The following CSMD1 variants were observed in gnomAD, a reference collection of about 807,000 sequenced individuals.
The protein encoded by CSMD1 is CUB and Sushi multiple domains 1.
CSMD1 carries 213 observed loss-of-function variants against 417.5 expected under a neutral mutation model. That is an observed-to-expected ratio of 0.51 (90% CI 0.46 to 0.57). The LOEUF (loss-of-function observed/expected upper bound fraction) is 0.57. Among genes scored for constraint, CSMD1 ranks in the 20% least tolerant of loss-of-function variants. The probability of loss-of-function intolerance (pLI) is 0.00; values close to 1 mark genes in which losing one functional copy is unlikely to be tolerated. For missense variants in CSMD1, 6,923 were observed against 4,529.7 expected (o/e 1.53, Z -15.17); for synonymous variants, 2,862 against 1,736.8 (o/e 1.65, Z -16.11).
Position 3,151,472 on chromosome 8 carries a change from G to A in CSMD1, c.5956C>T (p.Leu1986=), listed in dbSNP as rs1286375549. The change falls in exon 40 of 70, where the codon CTG becomes TTG. Residue 1986 remains leucine, a synonymous_variant. Transcript: ENST00000635120. Reference sequence around the variant, plus strand: ...TAAGAACCTGGGAAGCCGGGGCTCAGGATCACACCACCCAAGGTGCTCAGC... The same window carrying A: ...TAAGAACCTGGGAAGCCGGGGCTCAAGATCACACCACCCAAGGTGCTCAGC... ...GTLSTLGGVI[L]SPGFPGSYPN... 7 of 1,613,718 alleles carry A rather than the reference G, an allele frequency of 4.3e-6. No individual in the cohort carries two copies. Among genetic ancestry groups the A allele is most frequent in the Non-Finnish European group, 5.9e-6 (7 of 1,179,850 alleles).
chr8:3,907,171 CA>C lies in CSMD1; in HGVS notation c.818+90731del, dbSNP rs1171174837. Among the ~76,000 whole-genome samples the C allele has an allele frequency of 7.9e-5, 12 of 152,172 alleles. 1 individual carries two copies. Among genetic ancestry groups the C allele is most frequent in the Admixed American group, 7.8e-4 (12 of 15,290 alleles). On this transcript the variant is annotated intron_variant, in intron 5 of 69. Transcript: ENST00000635120. The stretch of plus-strand genomic sequence containing the variant: ...ACGTTGTGTATTACTTTAAACGGCA[CA>C]CACGCATGTTACCTGAATCAGCGAT...
intron 2 of CSMD1, among the ~76,000 whole-genome samples, chr8:4,496,867 A>G (rs1404359462): frequency 6.6e-6 from 1 of 152,204 alleles, no homozygotes; most frequent in African/African-American, 2.4e-5. Flanking sequence ...CAATATCAGG[A>G]CAGATCTTTC....
intron 15 of CSMD1, among the ~76,000 whole-genome samples, 172 bp downstream of exon 15, chr8:3,405,855 A>T (rs1431736807): frequency 1.3e-5 from 2 of 152,160 alleles, no homozygotes; most frequent in Admixed American, 6.5e-5. Flanking sequence ...TGGATCTCAG[A>T]CTTCCAGCCT....
chr8:4,875,137 A>G (rs1387435225), intron 1 of CSMD1, among the ~76,000 whole-genome samples: 1 of 151,714 alleles, frequency 6.6e-6, no homozygotes, highest in Admixed American at 6.6e-5. Flanking sequence ...CCCTCATGGT[A>G]AGGTAGTATG....
chr8:4,408,614 ATGGAAAATG>A, intron 3 of CSMD1, among the ~76,000 whole-genome samples: 1 of 152,334 alleles, frequency 6.6e-6, no homozygotes, highest in South Asian at 2.1e-4. Flanking sequence ...ATGTCTGATA[ATGGAAAATG>A]TACTCTATAT....
At chr8:3,439,450 G>C (rs1484021955) in intron 12 of CSMD1, among the ~76,000 whole-genome samples, 3 of 150,074 alleles carry the variant, frequency 2.0e-5, no homozygotes, top group African/African-American at 7.4e-5. Context: ...TTTGGTGAAA[G>C]GTCTTCTGAA....
At chr8:3,572,363 CA>C (rs1799981686) in intron 10 of CSMD1, among the ~76,000 whole-genome samples, 1 of 152,124 alleles carries the variant, frequency 6.6e-6, no homozygotes, top group African/African-American at 2.4e-5. Flanking sequence ...GGGCTAAGAG[CA>C]GGGAGGTGGG....
intron 1 of CSMD1, among the ~76,000 whole-genome samples, chr8:4,726,453 G>A (rs1329806346): frequency 1.3e-5 from 2 of 152,018 alleles, no homozygotes; most frequent in African/African-American, 4.8e-5. Flanking sequence ...AGCTCTTTGT[G>A]CTCCTTAAGT....
At chr8:3,271,374 T>C (rs1234509327) in intron 26 of CSMD1, among the ~76,000 whole-genome samples, 3 of 152,006 alleles carry the variant, frequency 2.0e-5, no homozygotes, top group Non-Finnish European at 2.9e-5. Flanking sequence ...TTGTGAATAA[T>C]GCCACAATAA....
chr8:4,398,611 T>A (rs113323061), intron 3 of CSMD1, among the ~76,000 whole-genome samples: 1 of 151,858 alleles, frequency 6.6e-6, no homozygotes, highest in Non-Finnish European at 1.5e-5. Context: ...TAGCCAGGAT[T>A]GTCTCGATCT....
At chr8:4,912,797 G>GA (rs1554518249) in intron 1 of CSMD1, among the ~76,000 whole-genome samples, 4 of 119,372 alleles carry the variant, frequency 3.4e-5, no homozygotes, top group Non-Finnish European at 5.3e-5. Context: ...ATTTTTTTTG[G>GA]AGGGGGGGCA....
At chr8:4,110,292 ATTT>A (rs1801783165) in intron 3 of CSMD1, among the ~76,000 whole-genome samples, 1 of 152,146 alleles carries the variant, frequency 6.6e-6, no homozygotes, top group African/African-American at 2.4e-5. Flanking sequence ...AGCAATTTTA[ATTT>A]ATTTATCCAC....
At chr8:3,964,195 T>C (rs1279618747) in intron 5 of CSMD1, among the ~76,000 whole-genome samples, 1 of 150,898 alleles carries the variant, frequency 6.6e-6, no homozygotes, top group Non-Finnish European at 1.5e-5. Flanking sequence ...AAGGCATTTA[T>C]TTTTTTAAAG....
intron 2 of CSMD1, among the ~76,000 whole-genome samples, chr8:4,461,796 A>T (rs1407053958): frequency 4.2e-5 from 6 of 143,974 alleles, no homozygotes; most frequent in East Asian, 2.0e-4. Context: ...GCTGGAGTGC[A>T]GTAGTACGAT....
chr8:4,097,482 G>A (rs1452960574), intron 3 of CSMD1, among the ~76,000 whole-genome samples: 1 of 152,160 alleles, frequency 6.6e-6, no homozygotes, highest in African/African-American at 2.4e-5. Flanking sequence ...TGCCAATTAA[G>A]AAAGATTTAG....
intron 1 of CSMD1, among the ~76,000 whole-genome samples, chr8:4,927,406 C>A: frequency 6.6e-6 from 1 of 151,946 alleles, no homozygotes; most frequent in East Asian, 1.9e-4. Flanking sequence ...CCAAACTGCC[C>A]CAGCAACTGT....
At chr8:3,594,490 G>C (rs186351821) in intron 8 of CSMD1, among the ~76,000 whole-genome samples, 55 of 152,050 alleles carry the variant, frequency 3.6e-4, no homozygotes, top group Non-Finnish European at 6.6e-4. Context: ...ACAAAGCTGA[G>C]GTTTGTTCAG....
chr8:3,088,297 T>C (rs1380882845), intron 48 of CSMD1, among the ~76,000 whole-genome samples: 2 of 152,224 alleles, frequency 1.3e-5, no homozygotes, highest in Non-Finnish European at 1.5e-5. Flanking sequence ...AGGTCACTAC[T>C]ACACAAAATC....
chr8:4,867,578 G>T (rs901731519), intron 1 of CSMD1, among the ~76,000 whole-genome samples: 1 of 151,938 alleles, frequency 6.6e-6, no homozygotes, highest in East Asian at 1.9e-4. Flanking sequence ...CCATAATTTC[G>T]CTTTTTTCAT....
Sources: gnomAD v4.1 joint callset for allele counts (sites outside exome capture counted in the v4.1 genomes callset) on GRCh38, gnomAD v4.1.1 for gene constraint, MANE v1.5 for transcripts, NCBI Gene and HGNC (gene_info 2026-07-23, HGNC 2026-07-21) for gene names.